The following HDAC9 variants were observed in gnomAD, a reference collection of about 807,000 sequenced individuals.
HDAC9 encodes histone deacetylase 9.
In HDAC9, 41 loss-of-function variants were observed where a neutral mutation model predicts 139.4. The observed-to-expected ratio is 0.29, with a 90% CI of 0.23 to 0.38. HDAC9 has a LOEUF of 0.38. Ranked by LOEUF, HDAC9 falls within the 10% of genes least tolerant of loss-of-function variation. The pLI is 1.00. For synonymous variants in HDAC9, 517 were observed against 476.2 expected (o/e 1.09, Z -1.12); for missense variants, 1,147 against 1,297.0 (o/e 0.88, Z 1.78).
intron 2 of HDAC9, among the ~76,000 whole-genome samples, chr7:18,517,030 C>G (rs1437351744): frequency 6.6e-6 from 1 of 152,092 alleles, no homozygotes; most frequent in Non-Finnish European, 1.5e-5. Context: ...CCACCACCAT[C>G]ACCCCAATTC....
At chr7:18,322,825 A>G (rs1800130091) in intron 1 of HDAC9, among the ~76,000 whole-genome samples, 2 of 152,162 alleles carry the variant, frequency 1.3e-5, no homozygotes, top group Admixed American at 1.3e-4. Flanking sequence ...AGCAAGAATA[A>G]TGTCCCCTTG....
At chr7:18,392,399 G>A (rs149792929) in intron 1 of HDAC9, among the ~76,000 whole-genome samples, 6 of 146,748 alleles carry the variant, frequency 4.1e-5, no homozygotes, top group African/African-American at 1.5e-4. Context: ...ATAGATAGAT[G>A]GATAGATAGA....
chr7:18,443,858 G>A (rs554429882), intron 1 of HDAC9, among the ~76,000 whole-genome samples: 2 of 150,528 alleles, frequency 1.3e-5, no homozygotes, highest in South Asian at 4.2e-4. Context: ...ATATACATTT[G>A]TATAAACATA....
At chr7:18,256,544 T>G (rs1434051217) in intron 2 of HDAC9, among the ~76,000 whole-genome samples, 1 of 152,226 alleles carries the variant, frequency 6.6e-6, no homozygotes, top group Non-Finnish European at 1.5e-5. Flanking sequence ...TTCTGTGGCA[T>G]TGCTTTAGCA....
chr7:18,286,858 T>C (rs1456042127), upstream of HDAC9, among the ~76,000 whole-genome samples: 2 of 152,196 alleles, frequency 1.3e-5, no homozygotes, highest in Non-Finnish European at 2.9e-5. Flanking sequence ...TAGGTCTTTT[T>C]AAATTGATGC....
chr7:18,824,035 A>G (rs1418211837), intron 17 of HDAC9, among the ~76,000 whole-genome samples: 1 of 80,090 alleles, frequency 1.2e-5, no homozygotes, highest in African/African-American at 5.1e-5. Flanking sequence ...AGGAAGAGGA[A>G]GAGGAAGAGG....
chr7:18,154,865 A>G (rs1253442336), intron 1 of HDAC9, among the ~76,000 whole-genome samples: 2 of 152,228 alleles, frequency 1.3e-5, no homozygotes, highest in Non-Finnish European at 2.9e-5. Context: ...CAGGTGAGGT[A>G]GTAGACCAGG....
At chr7:18,663,110 T>C (rs1355405200) in intron 11 of HDAC9, among the ~76,000 whole-genome samples, 1 of 151,938 alleles carries the variant, frequency 6.6e-6, no homozygotes, top group Non-Finnish European at 1.5e-5. Context: ...GAAAACCCAC[T>C]AGAATGAGGA....
At chr7:18,096,926 C>T (rs117092396) in intron 1 of HDAC9, among the ~76,000 whole-genome samples, 12 of 127,738 alleles carry the variant, frequency 9.4e-5, no homozygotes, top group Admixed American at 1.6e-4. Context: ...TGTGTGTATT[C>T]GTACTCTTTT....
chr7:18,804,750 A>T (rs1793569162), intron 17 of HDAC9, among the ~76,000 whole-genome samples: 1 of 152,218 alleles, frequency 6.6e-6, no homozygotes, highest in Non-Finnish European at 1.5e-5. Context: ...TCCAGTTCAC[A>T]TTACAAAAGA....
At chr7:18,406,827 C>G (rs907574304) in intron 1 of HDAC9, among the ~76,000 whole-genome samples, 1 of 151,592 alleles carries the variant, frequency 6.6e-6, no homozygotes, top group Admixed American at 6.6e-5. Flanking sequence ...TTTTTTCTCT[C>G]TTTTTCTAGT....
intron 23 of HDAC9, among the ~76,000 whole-genome samples, chr7:18,951,365 G>T (rs1782782944): frequency 6.6e-6 from 1 of 151,938 alleles, no homozygotes; most frequent in Admixed American, 6.6e-5. Context: ...GTAAAGAATT[G>T]CTATGAGTAA....
At chr7:18,173,931 C>T (rs561510211) in intron 2 of HDAC9, among the ~76,000 whole-genome samples, 1 of 152,260 alleles carries the variant, frequency 6.6e-6, no homozygotes, top group East Asian at 1.9e-4. Flanking sequence ...CTTGGGTTTG[C>T]TCTTCTCGAG....
At chr7:18,654,455 C>T (rs553855676) in intron 11 of HDAC9, among the ~76,000 whole-genome samples, 27 of 152,066 alleles carry the variant, frequency 1.8e-4, no homozygotes, top group Non-Finnish European at 3.5e-4. Context: ...ATTCTTACGT[C>T]TATCTTCCCT....
chr7:18,116,939 A>G (rs894143573), intron 1 of HDAC9, among the ~76,000 whole-genome samples: 3 of 152,236 alleles, frequency 2.0e-5, no homozygotes, highest in African/African-American at 7.2e-5. Flanking sequence ...GGAAGTAAAC[A>G]TAGTTAAGTA....
intron 22 of HDAC9, among the ~76,000 whole-genome samples, chr7:18,908,654 T>C (rs767704332): frequency 1.6e-4 from 24 of 152,116 alleles, no homozygotes; most frequent in Admixed American, 3.3e-4. Context: ...ATTTATTTTT[T>C]TTGTGCCTGC....
chr7:18,178,626 A>G (rs1282383720), intron 2 of HDAC9, among the ~76,000 whole-genome samples: 1 of 152,184 alleles, frequency 6.6e-6, no homozygotes, highest in Non-Finnish European at 1.5e-5. Context: ...ACAAATATGT[A>G]TTGTGGTTAA....
intron 2 of HDAC9, among the ~76,000 whole-genome samples, chr7:18,278,684 T>C (rs73305223): frequency 0.03 from 4,573 of 152,244 alleles, 247 homozygotes; most frequent in African/African-American, 0.1. Context: ...TTAAACTTTT[T>C]TTTTGTTTTA....
chr7:18,720,748 C>G (rs1397666996), intron 12 of HDAC9, among the ~76,000 whole-genome samples: 2 of 150,912 alleles, frequency 1.3e-5, no homozygotes, highest in Non-Finnish European at 2.9e-5. Context: ...GTGGCCTGAT[C>G]GTGGCTCACT....
Sources: allele counts gnomAD v4.1 joint callset (sites outside exome capture counted in the v4.1 genomes callset), GRCh38; gene constraint gnomAD v4.1.1; transcripts MANE v1.5; gene names NCBI Gene and HGNC (gene_info 2026-07-23, HGNC 2026-07-21).